The following SUMF1 variants were observed in gnomAD, a reference collection of about 807,000 sequenced individuals.
SUMF1 encodes formylglycine-generating enzyme.
SUMF1 carries 48 observed loss-of-function variants against 47.6 expected under a neutral mutation model. The ratio of observed to expected loss-of-function variants is 1.01; its 90% confidence interval spans 0.80 to 1.28. The LOEUF is 1.28. Among genes scored for constraint, SUMF1 ranks in the 50% most tolerant of loss-of-function variants. The probability of loss-of-function intolerance (pLI) is 0.00; values close to 1 mark genes in which losing one functional copy is unlikely to be tolerated. For missense variants in SUMF1, 571 were observed against 485.4 expected, an observed-to-expected ratio of 1.18 and a Z score of -1.66; for synonymous variants, 230 against 192.1, an observed-to-expected ratio of 1.20 and a Z score of -1.63.
chr3:4,192,521 C>T (rs1015519910), intron 8 of SUMF1, among the ~76,000 whole-genome samples: 9 of 151,992 alleles, frequency 5.9e-5, no homozygotes, highest in African/African-American at 1.7e-4. Context: ...GGATTTGAGG[C>T]CACCTTAAAA....
chr3:4,144,410 T>G (rs1038555138), intron 8 of SUMF1, among the ~76,000 whole-genome samples: 20 of 152,106 alleles, frequency 1.3e-4, no homozygotes, highest in African/African-American at 4.6e-4. Flanking sequence ...GAAAACAATG[T>G]GAAGCATGGG....
intron 8 of SUMF1, chr3:4,303,254 C>T (rs1302995400): frequency 1.7e-6 from 2 of 1,206,388 alleles, no homozygotes; most frequent in Admixed American, 3.9e-5. Flanking sequence ...CAGGCCACTC[C>T]TGAGAAGAAA....
intron 3 of SUMF1, among the ~76,000 whole-genome samples, chr3:4,432,298 G>A (rs1194787998): frequency 6.6e-6 from 1 of 150,884 alleles, no homozygotes; most frequent in Non-Finnish European, 1.5e-5. Context: ...CCAAATATCA[G>A]ATCACTTCTT....
intron 8 of SUMF1, among the ~76,000 whole-genome samples, chr3:4,098,200 T>C (rs566648293): frequency 9.2e-5 from 14 of 152,160 alleles, no homozygotes; most frequent in African/African-American, 2.4e-4. Context: ...CACATGGAAA[T>C]TGAAGCTCCC....
At chr3:4,253,718 T>G (rs529075144) in intron 8 of SUMF1, among the ~76,000 whole-genome samples, 30 of 147,666 alleles carry the variant, frequency 2.0e-4, no homozygotes, top group African/African-American at 6.8e-4. Flanking sequence ...CTTGATTAGG[T>G]AAACAAAGCA....
rs544209668 is a variant in SUMF1 at position 4,375,050 on chromosome 3, C to T, written c.1014+1280G>A. 1.0e-4 allele frequency among the ~76,000 whole-genome samples: 15 copies of T among 144,362 alleles called. 1 individual carries two copies. Among genetic ancestry groups the T allele is most frequent in the African/African-American group, 2.8e-4 (11 of 39,046 alleles). 94.7% of individuals were successfully genotyped at this position (144,362 alleles called of 152,430 possible). Reference sequence around the variant, plus strand: ...ACTTAGGAGGCTGAGATGGGAGGATCGCTTGAGCCCAGGAGGTCGGGGCTG... The same window carrying T: ...ACTTAGGAGGCTGAGATGGGAGGATTGCTTGAGCCCAGGAGGTCGGGGCTG... On this transcript the variant is annotated intron_variant, in intron 8 of 8. Coordinates refer to ENST00000272902, the MANE Select transcript of SUMF1 (RefSeq NM_182760.4).
intron 8 of SUMF1, among the ~76,000 whole-genome samples, chr3:4,349,367 C>A (rs189209163): frequency 6.6e-6 from 1 of 152,138 alleles, no homozygotes; most frequent in African/African-American, 2.4e-5. Context: ...GAAGTAGGAA[C>A]GTGTTTACAT....
chr3:4,342,605 T>C (rs934068295), intron 8 of SUMF1, among the ~76,000 whole-genome samples: 1 of 152,212 alleles, frequency 6.6e-6, no homozygotes. Flanking sequence ...GGTTTCACAT[T>C]TGACCTTCCT....
intron 8 of SUMF1, among the ~76,000 whole-genome samples, chr3:4,106,058 T>G (rs568203684): frequency 2.2e-4 from 34 of 152,034 alleles, no homozygotes; most frequent in Non-Finnish European, 4.1e-4. Context: ...TCTGTTTGCT[T>G]TATCTGTTCC....
rs182575584 is a variant in SUMF1 at position 4,144,444 on chromosome 3, C to A, written c.1015-75699G>T. On this transcript the variant is annotated intron_variant and NMD_transcript_variant, in intron 8 of 12. Coordinates refer to the SUMF1 transcript ENST00000448413. ...GGAGCTTTGGACTCTGACAGAATCACCAATCTTTGAAGCAAGTTAGAGAAG... is the reference window on the plus strand; with the variant it reads ...GGAGCTTTGGACTCTGACAGAATCAACAATCTTTGAAGCAAGTTAGAGAAG... Among the ~76,000 whole-genome samples the A allele has an allele frequency of 5.5e-4, 84 of 152,132 alleles. 1 individual carries two copies. The highest frequency in any genetic ancestry group is 1.9e-3 in the African/African-American group (79 of 41,494).
chr3:4,396,155 C>T (rs1365834144), intron 7 of SUMF1, among the ~76,000 whole-genome samples: 1 of 152,200 alleles, frequency 6.6e-6, no homozygotes, highest in African/African-American at 2.4e-5. Context: ...GAATAGTGTG[C>T]CCAAGGTCAC....
At chr3:4,379,831 C>G (rs1479457000) in intron 7 of SUMF1, among the ~76,000 whole-genome samples, 3 of 112,102 alleles carry the variant, frequency 2.7e-5, no homozygotes, top group African/African-American at 1.0e-4. Context: ...ACAGAGCGAG[C>G]CTCCATCTCA....
chr3:4,069,508 A>C (rs1695466354), intron 8 of SUMF1, among the ~76,000 whole-genome samples: 2 of 152,188 alleles, frequency 1.3e-5, no homozygotes, highest in South Asian at 4.1e-4. Context: ...GGTAACATGC[A>C]ATCTATGTGC....
chr3:4,209,224 A>G (rs1395680037), intron 8 of SUMF1, among the ~76,000 whole-genome samples: 1 of 152,188 alleles, frequency 6.6e-6, no homozygotes, highest in Admixed American at 6.5e-5. Context: ...ACAATTTCCA[A>G]TATGTATAAA....
chr3:4,297,914 T>G (rs1325254871), intron 8 of SUMF1, among the ~76,000 whole-genome samples: 1 of 152,112 alleles, frequency 6.6e-6, no homozygotes, highest in Non-Finnish European at 1.5e-5. Context: ...CAAAAAAGCA[T>G]AAAAACACCC....
chr3:4,160,188 C>T (rs1287279092), intron 8 of SUMF1, among the ~76,000 whole-genome samples: 2 of 152,082 alleles, frequency 1.3e-5, no homozygotes, highest in African/African-American at 2.4e-5. Flanking sequence ...GCCAATAACT[C>T]TTAGATTTGC....
At chr3:4,362,505 A>G (rs1699800579) in intron 8 of SUMF1, among the ~76,000 whole-genome samples, 1 of 152,250 alleles carries the variant, frequency 6.6e-6, no homozygotes, top group Non-Finnish European at 1.5e-5. Context: ...AACAGCAAAA[A>G]AGAAAAATGT....
intron 8 of SUMF1, among the ~76,000 whole-genome samples, chr3:4,222,409 G>A (rs1006502980): frequency 2.0e-5 from 3 of 151,944 alleles, no homozygotes; most frequent in African/African-American, 7.3e-5. Flanking sequence ...AGCTCTGTGA[G>A]GGAGGTACCA....
intron 8 of SUMF1, among the ~76,000 whole-genome samples, chr3:4,284,303 C>T (rs993287016): frequency 6.6e-6 from 1 of 151,440 alleles, no homozygotes. Context: ...TGCCAGCTAC[C>T]CGGGGGGCTG....
Sources: gnomAD v4.1 joint callset for allele counts (sites outside exome capture counted in the v4.1 genomes callset) on GRCh38, gnomAD v4.1.1 for gene constraint, MANE v1.5 for transcripts, NCBI Gene and HGNC (gene_info 2026-07-23, HGNC 2026-07-21) for gene names.